Variants in EYA4 observed in about 807,000 individuals in gnomAD.
EYA4 encodes the protein protein phosphatase EYA4.
A neutral mutation model predicts 87.9 loss-of-function variants in EYA4; 31 were observed. The ratio of observed to expected loss-of-function variants is 0.35; its 90% CI spans 0.27 to 0.48. The LOEUF is 0.48. EYA4 is among the 20% of genes least tolerant of loss of function. The pLI is 0.99. For missense variants in EYA4, 678 were observed against 761.4 expected (o/e 0.89, Z 1.29); for synonymous variants, 263 against 270.6 (o/e 0.97, Z 0.28).
At chr6:133,454,160 A>T (rs1225251681) in intron 5 of EYA4, among the ~76,000 whole-genome samples, 2 of 152,162 alleles carry the variant, frequency 1.3e-5, no homozygotes, top group African/African-American at 4.8e-5. Context: ...AGTAAAATCT[A>T]TATTACAATT....
intron 13 of EYA4, among the ~76,000 whole-genome samples, chr6:133,488,837 C>T (rs1258073615): frequency 2.0e-5 from 3 of 152,134 alleles, no homozygotes; most frequent in Non-Finnish European, 4.4e-5. Context: ...CAGTAAATAC[C>T]TAACTCTTCA....
At chr6:133,343,102 G>A (rs930442483) in intron 2 of EYA4, among the ~76,000 whole-genome samples, 1 of 152,090 alleles carries the variant, frequency 6.6e-6, no homozygotes, top group African/African-American at 2.4e-5. Context: ...ATGTTATATG[G>A]ACAGTTCTAG....
intron 13 of EYA4, among the ~76,000 whole-genome samples, chr6:133,484,534 T>C (rs1002901494): frequency 6.6e-6 from 1 of 152,226 alleles, no homozygotes; most frequent in Admixed American, 6.5e-5. Flanking sequence ...ACAAGAAGTG[T>C]TAGCCCCTTT....
intron 11 of EYA4, among the ~76,000 whole-genome samples, chr6:133,469,977 A>C (rs1489085317): frequency 6.6e-6 from 1 of 151,458 alleles, no homozygotes; most frequent in Non-Finnish European, 1.5e-5. Context: ...TTCATTGTAG[A>C]TTCTGGATAT....
chr6:133,404,698 C>A (rs1016002446), intron 3 of EYA4, among the ~76,000 whole-genome samples: 1 of 152,192 alleles, frequency 6.6e-6, no homozygotes, highest in African/African-American at 2.4e-5. Context: ...TAGTAACTTC[C>A]TATGCATTTA....
intron 13 of EYA4, among the ~76,000 whole-genome samples, chr6:133,503,097 T>C (rs554606885): frequency 6.6e-6 from 1 of 152,358 alleles, no homozygotes; most frequent in Non-Finnish European, 1.5e-5. Flanking sequence ...CCACATGCCA[T>C]GCTTGCTTGC....
At chr6:133,315,662 G>A (rs781229552) in intron 2 of EYA4, among the ~76,000 whole-genome samples, 1 of 152,120 alleles carries the variant, frequency 6.6e-6, no homozygotes, top group African/African-American at 2.4e-5. Flanking sequence ...GAGTCATAGA[G>A]CCTTGAAATA....
At chr6:133,298,067 C>A (rs1408762600) in intron 2 of EYA4, among the ~76,000 whole-genome samples, 1 of 152,100 alleles carries the variant, frequency 6.6e-6, no homozygotes, top group Non-Finnish European at 1.5e-5. Flanking sequence ...CCCAGCATCT[C>A]TTTACTTTTT....
chr6:133,461,920 C>G (rs529361789), intron 7 of EYA4, among the ~76,000 whole-genome samples: 75 of 147,904 alleles, frequency 5.1e-4, no homozygotes, highest in African/African-American at 1.7e-3. Context: ...CTTCCATAGT[C>G]TTTGCATAGC....
chr6:133,511,638 A>G (rs1298413333), intron 14 of EYA4: 1 of 152,124 alleles, frequency 6.6e-6, no homozygotes, highest in Non-Finnish European at 1.5e-5. Context: ...CCTTATCCAC[A>G]TAAGTTACCA....
intron 2 of EYA4, among the ~76,000 whole-genome samples, chr6:133,291,367 C>A (rs1582865148): frequency 1.3e-5 from 2 of 152,218 alleles, no homozygotes; most frequent in East Asian, 3.9e-4. Context: ...GTCTGAATAG[C>A]TCCTTCATCA....
At chr6:133,330,568 TACACACACACAC>T (rs57398314) in intron 2 of EYA4, among the ~76,000 whole-genome samples, 2 of 143,882 alleles carry the variant, frequency 1.4e-5, no homozygotes, top group Non-Finnish European at 3.0e-5. Context: ...TATATATATA[TACACACACACAC>T]ACACACACAC....
intron 19 of EYA4, 140 bp from the exon 20 acceptor site, chr6:133,528,585 T>G: frequency 1.3e-6 from 1 of 779,260 alleles, no homozygotes; most frequent in South Asian, 1.4e-5. Context: ...CATCCCGCCT[T>G]TAAACTCTCT....
chr6:133,421,943 A>G (rs1289553092), intron 3 of EYA4, among the ~76,000 whole-genome samples: 2 of 152,222 alleles, frequency 1.3e-5, no homozygotes, highest in African/African-American at 2.4e-5. Flanking sequence ...TGATATGCCT[A>G]CAAAACTCTT....
chr6:133,321,687 G>C (rs1299813143), intron 2 of EYA4, among the ~76,000 whole-genome samples: 2 of 152,124 alleles, frequency 1.3e-5, no homozygotes, highest in African/African-American at 4.8e-5. Flanking sequence ...GTGTGTTTTG[G>C]AATTTTGGTG....
intron 13 of EYA4, among the ~76,000 whole-genome samples, chr6:133,494,639 A>T (rs574914708): frequency 5.6e-4 from 85 of 150,814 alleles, no homozygotes; most frequent in Admixed American, 2.0e-3. Context: ...GGAGTTGGAG[A>T]TTAGCCTGGA....
intron 3 of EYA4, among the ~76,000 whole-genome samples, chr6:133,388,406 C>CAAA (rs34444252): frequency 3.9e-5 from 5 of 129,300 alleles, no homozygotes; most frequent in Non-Finnish European, 6.3e-5. Context: ...GACTCGGTCT[C>CAAA]AAAAAAAAAA....
intron 3 of EYA4, among the ~76,000 whole-genome samples, chr6:133,440,916 C>T (rs76537908): frequency 0.026 from 3,979 of 152,182 alleles, 150 homozygotes; most frequent in East Asian, 0.081. Flanking sequence ...TTGTTCCCCT[C>T]TATGCATTTC....
intron 2 of EYA4, among the ~76,000 whole-genome samples, chr6:133,292,729 A>G (rs1388285911): frequency 6.6e-6 from 1 of 152,226 alleles, no homozygotes; most frequent in African/African-American, 2.4e-5. Flanking sequence ...TCTTTAAACA[A>G]TATTTTTGTC....
Sources: allele counts gnomAD v4.1 joint callset (sites outside exome capture counted in the v4.1 genomes callset), GRCh38; gene constraint gnomAD v4.1.1; transcripts MANE v1.5; gene names NCBI Gene and HGNC (gene_info 2026-07-23, HGNC 2026-07-21).